CCSER1: variants seen among roughly 807,000 people sequenced by gnomAD.
CCSER1 encodes the protein coiled-coil serine rich protein 1, also known as serine-rich coiled-coil domain-containing protein 1.
In CCSER1, 41 loss-of-function variants were observed where a neutral mutation model predicts 82.0. That is an observed-to-expected ratio of 0.50 (90% CI 0.39 to 0.65). The LOEUF is 0.65. Ranked by LOEUF, CCSER1 falls within the 30% of genes least tolerant of loss-of-function variation. CCSER1 has a pLI of 0.00. For missense variants in CCSER1, 1,119 were observed against 1,064.2 expected, an observed-to-expected ratio of 1.05 and a Z score of -0.72; for synonymous variants, 414 against 383.9, an observed-to-expected ratio of 1.08 and a Z score of -0.92.
intron 10 of CCSER1, among the ~76,000 whole-genome samples, chr4:91,584,727 T>A (rs115386440): frequency 0.034 from 5,123 of 151,638 alleles, 185 homozygotes; most frequent in South Asian, 0.16. Context: ...GAAGTCTATA[T>A]ATTTTTCTTC....
At chr4:91,319,712 C>T (rs1746067517) in intron 10 of CCSER1, 2 of 455,680 alleles carry the variant, frequency 4.4e-6, no homozygotes, top group South Asian at 1.5e-5. Flanking sequence ...GTGTGTCCCT[C>T]AGGTTTCTAT....
At chr4:90,131,355 A>G (rs369514470) in intron 1 of CCSER1, among the ~76,000 whole-genome samples, 2 of 152,220 alleles carry the variant, frequency 1.3e-5, no homozygotes, top group East Asian at 3.9e-4. Flanking sequence ...AGTGCAATAG[A>G]GTTCTTGTAG....
intron 10 of CCSER1, among the ~76,000 whole-genome samples, chr4:91,311,109 A>G (rs1164044592): frequency 6.6e-6 from 1 of 151,992 alleles, no homozygotes; most frequent in Non-Finnish European, 1.5e-5. Flanking sequence ...TTCTTTTGAA[A>G]TGATGTATTT....
chr4:91,226,977 G>A (rs753058597), intron 10 of CCSER1, among the ~76,000 whole-genome samples: 2 of 151,726 alleles, frequency 1.3e-5, no homozygotes, highest in Admixed American at 6.6e-5. Context: ...AGGATTATGA[G>A]GATTACATGA....
chr4:91,197,903 T>C (rs964106943), intron 10 of CCSER1, among the ~76,000 whole-genome samples: 7 of 152,030 alleles, frequency 4.6e-5, no homozygotes, highest in African/African-American at 1.7e-4. Flanking sequence ...TTTTTTTTTG[T>C]CACCATTGTT....
chr4:90,246,235 C>T (rs1721374289), intron 1 of CCSER1, among the ~76,000 whole-genome samples: 1 of 152,074 alleles, frequency 6.6e-6, no homozygotes, highest in African/African-American at 2.4e-5. Context: ...CCTCATTTTA[C>T]ACATGAGGTA....
chr4:91,427,534 T>C (rs1055648091), intron 10 of CCSER1, among the ~76,000 whole-genome samples: 3 of 152,006 alleles, frequency 2.0e-5, no homozygotes, highest in Non-Finnish European at 4.4e-5. Context: ...GGATATACAA[T>C]GGAGAAAAAA....
At chr4:91,389,070 G>A (rs980651392) in intron 10 of CCSER1, among the ~76,000 whole-genome samples, 8 of 151,940 alleles carry the variant, frequency 5.3e-5, no homozygotes, top group Admixed American at 2.6e-4. Flanking sequence ...CTTTTGCAGG[G>A]CAGAGTTTCT....
chr4:91,398,484 G>C (rs1752123421), intron 10 of CCSER1, among the ~76,000 whole-genome samples: 1 of 151,704 alleles, frequency 6.6e-6, no homozygotes. Flanking sequence ...ACAAGCAATG[G>C]TGATGGTTAC....
chr4:90,255,009 A>ACG lies in CCSER1; in HGVS notation c.-41-53233_-41-53232dup, dbSNP rs941879248. Among the ~76,000 whole-genome samples the ACG allele has an allele frequency of 1.8e-3, 267 of 150,592 alleles. 1 individual carries two copies. Among genetic ancestry groups the ACG allele is most frequent in the African/African-American group, 6.4e-3 (259 of 40,644 alleles). On this transcript the variant is annotated intron_variant, in intron 1 of 10. Coordinates refer to ENST00000509176, the MANE Select transcript of CCSER1 (RefSeq NM_001145065.2). ...CACACACACACACACACACACACAC[A>ACG]CGCACACTTTATGAACATATTGATT...
chr4:90,644,421 T>C (rs1727116144), intron 6 of CCSER1, among the ~76,000 whole-genome samples: 2 of 152,146 alleles, frequency 1.3e-5, no homozygotes, highest in African/African-American at 4.8e-5. Context: ...TTTAGAGAAT[T>C]TTTGATTTTT....
At chr4:90,417,162 C>G (rs1755922688) in intron 4 of CCSER1, among the ~76,000 whole-genome samples, 1 of 151,994 alleles carries the variant, frequency 6.6e-6, no homozygotes. Flanking sequence ...ACATGTGTGC[C>G]TATGTAACAA....
At chr4:90,998,487 A>C (rs17266413) in intron 9 of CCSER1, among the ~76,000 whole-genome samples, 42,113 of 152,186 alleles carry the variant, frequency 0.28, 6,944 homozygotes, top group East Asian at 0.39. Flanking sequence ...ATCAGCAAAA[A>C]ATATGAAATT....
At chr4:91,392,481 T>A (rs987861553) in intron 10 of CCSER1, among the ~76,000 whole-genome samples, 1 of 152,058 alleles carries the variant, frequency 6.6e-6, no homozygotes, top group Admixed American at 6.6e-5. Flanking sequence ...TTGTATTAAA[T>A]CTTAGAATTT....
intron 10 of CCSER1, among the ~76,000 whole-genome samples, chr4:91,439,951 C>G (rs1216545066): frequency 6.6e-6 from 1 of 151,970 alleles, no homozygotes; most frequent in African/African-American, 2.4e-5. Flanking sequence ...ACAGGAGCAC[C>G]CAGATTCATA....
chr4:90,558,002 A>G (rs2153645547), intron 5 of CCSER1, among the ~76,000 whole-genome samples: 1 of 152,318 alleles, frequency 6.6e-6, no homozygotes, highest in African/African-American at 2.4e-5. Flanking sequence ...ATGGTAATAT[A>G]GGGTTTATTT....
chr4:90,160,901 A>G (rs1322250504), intron 1 of CCSER1, among the ~76,000 whole-genome samples: 3 of 152,198 alleles, frequency 2.0e-5, no homozygotes, highest in African/African-American at 7.2e-5. Flanking sequence ...TGTATGTCTA[A>G]GTCATCAGCA....
chr4:90,543,134 A>G (rs908979781), intron 5 of CCSER1, among the ~76,000 whole-genome samples: 7 of 152,114 alleles, frequency 4.6e-5, no homozygotes, highest in African/African-American at 1.2e-4. Context: ...GCAATTGCCC[A>G]TGTTTCATAC....
At chr4:90,376,744 G>C (rs2153528817) in intron 3 of CCSER1, among the ~76,000 whole-genome samples, 2 of 152,178 alleles carry the variant, frequency 1.3e-5, no homozygotes, top group African/African-American at 4.8e-5. Flanking sequence ...TGCAGTCATG[G>C]GAAAATTCTC....
Sources: gnomAD v4.1 joint callset for allele counts (sites outside exome capture counted in the v4.1 genomes callset) on GRCh38, gnomAD v4.1.1 for gene constraint, MANE v1.5 for transcripts, NCBI Gene and HGNC (gene_info 2026-07-23, HGNC 2026-07-21) for gene names.